The following GRM1 variants were observed in gnomAD, a reference collection of about 807,000 sequenced individuals.
GRM1 encodes the protein metabotropic glutamate receptor 1.
Under a neutral mutation model 90.9 loss-of-function variants are expected in GRM1, and 33 were observed. That is an observed-to-expected ratio of 0.36 (90% CI 0.28 to 0.49). The LOEUF is 0.49. Ranked by LOEUF, GRM1 falls within the 20% of genes least tolerant of loss-of-function variation. The pLI is 0.99. For missense variants in GRM1, 1,190 were observed against 1,534.3 expected (o/e 0.78, Z 3.75); for synonymous variants, 700 against 613.2 (o/e 1.14, Z -2.09).
chr6:146,160,964 G>A (rs1777702039), intron 2 of GRM1, among the ~76,000 whole-genome samples: 1 of 152,072 alleles, frequency 6.6e-6, no homozygotes, highest in Admixed American at 6.6e-5. Context: ...CCAATAAAAT[G>A]TTCATAAGAA....
intron 5 of GRM1, among the ~76,000 whole-genome samples, chr6:146,373,580 G>A (rs1028293006): frequency 1.3e-5 from 2 of 152,082 alleles, no homozygotes; most frequent in Admixed American, 1.3e-4. Flanking sequence ...ATGAGATTTG[G>A]GGATGGGGGC....
chr6:146,308,770 A>G (rs959371435), intron 3 of GRM1, among the ~76,000 whole-genome samples: 1 of 152,100 alleles, frequency 6.6e-6, no homozygotes, highest in African/African-American at 2.4e-5. Flanking sequence ...AAATTTTGGC[A>G]TGTTTTCATC....
intron 6 of GRM1, among the ~76,000 whole-genome samples, chr6:146,388,893 C>A (rs1254693012): frequency 6.6e-6 from 1 of 152,000 alleles, no homozygotes; most frequent in Non-Finnish European, 1.5e-5. Flanking sequence ...TCATCGAGGT[C>A]AATGCAGTTG....
intron 1 of GRM1, among the ~76,000 whole-genome samples, chr6:146,057,655 G>T (rs1775527212): frequency 6.6e-6 from 1 of 151,990 alleles, no homozygotes; most frequent in South Asian, 2.1e-4. Flanking sequence ...CTAAAGAATT[G>T]CATAATTCTT....
At position 146,304,788 on chromosome 6, in the gene GRM1, C is replaced by T. The variant is rs563754946; in HGVS notation, c.1128C>T (p.Phe376=). The change falls in exon 3 of 8, where the codon TTC becomes TTT. Residue 376 remains phenylalanine (F), a synonymous_variant. Transcript: ENST00000282753. Reference sequence around the variant, plus strand: ...TCCCTGAGTTCTGGCAACATCGGTTCCAGTGCCGCCTTCCAGGACACCTTC... The same window carrying T: ...TCCCTGAGTTCTGGCAACATCGGTTTCAGTGCCGCCTTCCAGGACACCTTC... ...PWFPEFWQHR[F]QCRLPGHLLE... 164 of 1,614,004 alleles carry T rather than the reference C, an allele frequency of 1.0e-4. No homozygotes were observed. In the South Asian group the frequency reaches 1.7e-3, roughly 17 times the overall value.
chr6:146,387,424 G>A (rs1465431220), intron 6 of GRM1, among the ~76,000 whole-genome samples: 1 of 151,676 alleles, frequency 6.6e-6, no homozygotes, highest in African/African-American at 2.4e-5. Flanking sequence ...ATCTATCAGG[G>A]AAGAAACATG....
At chr6:146,140,138 T>TTTCTTTCTTTCTTTCC (rs1415545136) in intron 1 of GRM1, among the ~76,000 whole-genome samples, 51 of 128,336 alleles carry the variant, frequency 4.0e-4, no homozygotes, top group East Asian at 1.7e-3. Flanking sequence ...TCTTTCTTTC[T>TTTCTTTCTTTCTTTCC]TTCCTTCCTT....
Position 146,219,706 on chromosome 6 carries a change from A to G in GRM1, c.950+60109A>G, listed in dbSNP as rs149331876. Among the ~76,000 whole-genome samples, 274 of 152,292 alleles carry G rather than the reference A, an allele frequency of 1.8e-3. 2 individuals are homozygous for G. The highest frequency in any genetic ancestry group is 6.0e-3 in the African/African-American group (251 of 41,564). On this transcript the variant is annotated intron_variant, in intron 2 of 7. Coordinates refer to ENST00000282753, the MANE Select transcript of GRM1 (RefSeq NM_001278064.2). Reference sequence around the variant, plus strand: ...GTGTGTGCATATGTATTGGGTAAATATATTTCTTATAGAATCTTGGTAAAA... The same window carrying G: ...GTGTGTGCATATGTATTGGGTAAATGTATTTCTTATAGAATCTTGGTAAAA...
intron 2 of GRM1, among the ~76,000 whole-genome samples, chr6:146,210,492 A>G (rs1384687670): frequency 6.6e-6 from 1 of 152,148 alleles, no homozygotes. Context: ...ACAATTTAGT[A>G]CGGGGAACAG....
At chr6:146,294,025 T>C (rs181737190) in intron 2 of GRM1, among the ~76,000 whole-genome samples, 311 of 151,836 alleles carry the variant, frequency 2.0e-3, no homozygotes, top group African/African-American at 7.1e-3. Context: ...TCTCAGAGGA[T>C]TGAATATTTC....
intron 1 of GRM1, among the ~76,000 whole-genome samples, chr6:146,050,982 T>G (rs1454667223): frequency 1.3e-5 from 2 of 152,030 alleles, no homozygotes; most frequent in Non-Finnish European, 2.9e-5. Flanking sequence ...GACTTTGGCT[T>G]ACCAAAAGAG....
At chr6:146,084,105 C>T (rs2128864653) in intron 1 of GRM1, among the ~76,000 whole-genome samples, 1 of 151,938 alleles carries the variant, frequency 6.6e-6, no homozygotes, top group East Asian at 1.9e-4. Context: ...TTTATTGTGT[C>T]TATTTGATTC....
chr6:146,153,457 C>T (rs1777411366), intron 1 of GRM1, among the ~76,000 whole-genome samples: 1 of 152,152 alleles, frequency 6.6e-6, no homozygotes, highest in Non-Finnish European at 1.5e-5. Context: ...TAGTGCTGCA[C>T]TCATGGGAAT....
At chr6:146,248,418 C>G (rs1321674213) in intron 2 of GRM1, among the ~76,000 whole-genome samples, 2 of 152,142 alleles carry the variant, frequency 1.3e-5, no homozygotes, top group Non-Finnish European at 1.5e-5. Flanking sequence ...TGGTTTCTCC[C>G]ATGCTGTTCT....
intron 6 of GRM1, among the ~76,000 whole-genome samples, chr6:146,395,123 G>A (rs952803592): frequency 6.6e-6 from 1 of 152,022 alleles, no homozygotes. Context: ...ACCATAGAGA[G>A]CAGAGACCTT....
At chr6:146,260,648 C>T (rs1225774777) in intron 2 of GRM1, among the ~76,000 whole-genome samples, 3 of 151,986 alleles carry the variant, frequency 2.0e-5, no homozygotes, top group Non-Finnish European at 4.4e-5. Context: ...TAATAGTAGC[C>T]ATCCTAAAAC....
chr6:146,146,108 T>C (rs1222607944), intron 1 of GRM1, among the ~76,000 whole-genome samples: 4 of 56,712 alleles, frequency 7.1e-5, no homozygotes, highest in Admixed American at 4.2e-4. Context: ...TGTATCTTTT[T>C]TTTTTTTTTT....
At chr6:146,393,162 C>T (rs1312662381) in intron 6 of GRM1, among the ~76,000 whole-genome samples, 2 of 152,124 alleles carry the variant, frequency 1.3e-5, no homozygotes, top group East Asian at 1.9e-4. Flanking sequence ...AGTGCAAAAG[C>T]GTTCCTATTT....
chr6:146,052,424 A>G (rs1775325161), intron 1 of GRM1, among the ~76,000 whole-genome samples: 2 of 151,988 alleles, frequency 1.3e-5, no homozygotes, highest in African/African-American at 4.8e-5. Context: ...GCTCTGCTGG[A>G]GCCTGGAAAT....
Sources: gnomAD v4.1 joint callset for allele counts (sites outside exome capture counted in the v4.1 genomes callset) on GRCh38, gnomAD v4.1.1 for gene constraint, MANE v1.5 for transcripts, NCBI Gene and HGNC (gene_info 2026-07-23, HGNC 2026-07-21) for gene names.